The following RPL39L variants were observed in gnomAD, a reference collection of about 807,000 sequenced individuals.
The protein encoded by RPL39L is ribosomal protein L39 like.
For synonymous variants in RPL39L, 16 were observed against 20.1 expected (o/e 0.80, Z 0.55); for missense variants, 48 against 58.9 (o/e 0.81, Z 0.61).
intron 1 of RPL39L, among the ~76,000 whole-genome samples, chr3:187,136,372 A>G (rs563604266): frequency 6.6e-6 from 1 of 152,294 alleles, no homozygotes; most frequent in Admixed American, 6.5e-5. Flanking sequence ...TCCTTTCTCT[A>G]TAGTTTTACA....
intron 2 of RPL39L, among the ~76,000 whole-genome samples, chr3:187,125,634 C>T (rs181480790): frequency 6.6e-6 from 1 of 151,796 alleles, no homozygotes; most frequent in East Asian, 1.9e-4. Context: ...CGACCACCTG[C>T]TGCCTGTTGA....
rs376624513 is a variant in RPL39L, at chr3:187,128,026, A to G, written c.-56T>C. On this transcript the variant is annotated 5_prime_UTR_variant, in exon 2 of 3. Coordinates refer to ENST00000296277, the MANE Select transcript of RPL39L (RefSeq NM_052969.3). ...TTTTCAAGTCTGAATTTCCTACTCC[A>G]AAGAGGCAAAGATGCTTGCTTCTCT... 89 of 152,338 alleles carry G rather than the reference A, an allele frequency of 5.8e-4. 1 individual carries two copies. The highest frequency in any genetic ancestry group is 3.4e-3 in the Middle Eastern group (1 of 294). 9.4% of individuals were successfully genotyped at this position (152,338 alleles called of 1,614,324 possible).
chr3:187,129,983 G>C (rs995600269), intron 1 of RPL39L, among the ~76,000 whole-genome samples: 2 of 151,928 alleles, frequency 1.3e-5, no homozygotes, highest in African/African-American at 4.8e-5. Context: ...CCTTGGGCTA[G>C]GCTAAAATAC....
chr3:187,135,169 T>C (rs892713626), intron 1 of RPL39L, among the ~76,000 whole-genome samples: 9 of 152,226 alleles, frequency 5.9e-5, no homozygotes, highest in African/African-American at 2.2e-4. Context: ...TGCAGGTGTC[T>C]ACTGGGGTGG....
intron 1 of RPL39L, among the ~76,000 whole-genome samples, chr3:187,128,973 T>C (rs1375058875): frequency 6.6e-6 from 1 of 152,216 alleles, no homozygotes; most frequent in Non-Finnish European, 1.5e-5. Flanking sequence ...CAGAGAGCTG[T>C]ATGCACCCAT....
At chr3:187,135,133 G>C (rs1471436963) in intron 1 of RPL39L, among the ~76,000 whole-genome samples, 1 of 152,204 alleles carries the variant, frequency 6.6e-6, no homozygotes, top group Admixed American at 6.5e-5. Context: ...CTCCCACCCT[G>C]ATGGGGCAAT....
intron 2 of RPL39L, 81 bp from the exon 3 acceptor site, chr3:187,121,409 A>C: frequency 7.3e-7 from 1 of 1,370,892 alleles, no homozygotes; most frequent in South Asian, 1.4e-5. Context: ...ATAACAAGAC[A>C]AGAAAGAGGA....
intron 1 of RPL39L, among the ~76,000 whole-genome samples, chr3:187,137,875 C>T (rs1720613284): frequency 6.6e-6 from 1 of 151,162 alleles, no homozygotes; most frequent in African/African-American, 2.4e-5. Context: ...TGCGTTTTAA[C>T]ATTTGTAGCA....
chr3:187,124,639 C>T (rs1224084512), intron 2 of RPL39L, among the ~76,000 whole-genome samples: 1 of 152,074 alleles, frequency 6.6e-6, no homozygotes, highest in Admixed American at 6.5e-5. Context: ...CATAAGGGTC[C>T]CATTCTTTAA....
chr3:187,133,263 G>C (rs556202801), intron 1 of RPL39L, among the ~76,000 whole-genome samples: 1 of 152,276 alleles, frequency 6.6e-6, no homozygotes, highest in East Asian at 1.9e-4. Flanking sequence ...CACCTGTTGA[G>C]GGAGGGACCT....
chr3:187,128,641 C>G (rs946844892), intron 1 of RPL39L, among the ~76,000 whole-genome samples: 3 of 152,146 alleles, frequency 2.0e-5, no homozygotes, highest in Non-Finnish European at 4.4e-5. Context: ...TCCTGAATAG[C>G]TGGGACTACA....
intron 1 of RPL39L, among the ~76,000 whole-genome samples, chr3:187,128,853 C>T (rs1009019159): frequency 2.6e-5 from 4 of 152,194 alleles, no homozygotes; most frequent in African/African-American, 7.2e-5. Flanking sequence ...AGTTGGGTTT[C>T]GTTATGCCTA....
chr3:187,121,432 C>T lies in RPL39L; in HGVS notation c.-28-104G>A. 2.6e-6 allele frequency: 3 copies of T among 1,173,116 alleles called. No homozygotes were observed. In the South Asian group the frequency reaches 4.6e-5, roughly 18 times the overall value. The allele number at this position is 1,173,116 out of a possible 1,614,324, so 72.7% of individuals were successfully genotyped here. A position where few individuals can be genotyped will look rare whatever the true frequency, so the allele number is the denominator to read the frequency against. ...ACAAGAAAGAGGATCTTTAGTGCCA[C>T]AGCGAGGGCTCATTGCCACTCAGGA... On this transcript the variant is annotated intron_variant, in intron 2 of 2. Coordinates refer to ENST00000296277, the MANE Select transcript of RPL39L (RefSeq NM_052969.3).
At chr3:187,137,784 C>T (rs941337880) in intron 1 of RPL39L, among the ~76,000 whole-genome samples, 3 of 149,194 alleles carry the variant, frequency 2.0e-5, no homozygotes, top group Non-Finnish European at 3.0e-5. Flanking sequence ...GCCAGGATTG[C>T]GCCACTGCAC....
At chr3:187,124,785 A>C (rs1330877083) in intron 2 of RPL39L, among the ~76,000 whole-genome samples, 1 of 152,230 alleles carries the variant, frequency 6.6e-6, no homozygotes, top group Non-Finnish European at 1.5e-5. Context: ...AGTGGCAGCT[A>C]TTTGGGCATA....
intron 1 of RPL39L, among the ~76,000 whole-genome samples, chr3:187,134,655 T>G (rs75948643): frequency 6.6e-6 from 1 of 152,184 alleles, no homozygotes; most frequent in Non-Finnish European, 1.5e-5. Flanking sequence ...CGATTCCTTA[T>G]GAGATGGGTA....
Position 187,139,424 on chromosome 3 carries a change from C to T in RPL39L, c.-304G>A, listed in dbSNP as rs999310968. On this transcript the variant is annotated 5_prime_UTR_variant, in exon 1 of 3. Transcript: ENST00000296277. ...CTGAGACTCCGAGACGCCTCGCCCCCACCTGGCGTTCGGAGGCGGTTGCCT... is the reference window on the plus strand; with the variant it reads ...CTGAGACTCCGAGACGCCTCGCCCCTACCTGGCGTTCGGAGGCGGTTGCCT... The T allele has an allele frequency of 1.3e-5, 2 of 152,240 alleles. No homozygotes were observed. Among genetic ancestry groups the T allele is most frequent in the Admixed American group, 6.5e-5 (1 of 15,292 alleles). 9.4% of individuals were successfully genotyped at this position (152,240 alleles called of 1,614,324 possible).
chr3:187,136,341 C>T (rs931494162), intron 1 of RPL39L, among the ~76,000 whole-genome samples: 1 of 152,110 alleles, frequency 6.6e-6, no homozygotes, highest in Admixed American at 6.5e-5. Flanking sequence ...AGGTGACCAC[C>T]CTCCCTGATG....
intron 1 of RPL39L, among the ~76,000 whole-genome samples, chr3:187,137,090 G>C (rs367955930): frequency 2.0e-5 from 3 of 151,258 alleles, no homozygotes; most frequent in Admixed American, 2.0e-4. Context: ...GCCTGTGATC[G>C]GGAGGCTGAG....
Sources: gnomAD v4.1 joint callset for allele counts (sites outside exome capture counted in the v4.1 genomes callset) on GRCh38, gnomAD v4.1.1 for gene constraint, MANE v1.5 for transcripts, NCBI Gene and HGNC (gene_info 2026-07-23, HGNC 2026-07-21) for gene names.